RHCE: variants seen among roughly 807,000 people sequenced by gnomAD.
The protein encoded by RHCE is Rh blood group CcEe antigens.
RHCE carries 22 observed loss-of-function variants against 43.8 expected under a neutral mutation model. The observed-to-expected ratio is 0.50, with a 90% confidence interval of 0.36 to 0.72. The LOEUF is 0.72. Among genes scored for constraint, RHCE ranks in the 30% least tolerant of loss-of-function variants. RHCE has a pLI of 0.00. For synonymous variants in RHCE, 156 were observed against 210.7 expected (o/e 0.74, Z 2.25); for missense variants, 385 against 525.4 (o/e 0.73, Z 2.61).
chr1:25,379,495 ATTTTTTTTTTTTT>A (rs770791604), intron 7 of RHCE, among the ~76,000 whole-genome samples: 431 of 26,952 alleles, frequency 0.016, 5 homozygotes, highest in Middle Eastern at 0.038. Context: ...ATATATATAT[ATTTTTTTTTTTTT>A]TTTTTTTTTT....
intron 2 of RHCE, among the ~76,000 whole-genome samples, chr1:25,403,863 T>A (rs1177638653): frequency 1.3e-5 from 2 of 151,896 alleles, no homozygotes; most frequent in Non-Finnish European, 2.9e-5. Context: ...CAGCATCACC[T>A]CTTTTAAATT....
chr1:25,410,323 G>A (rs1428950305), intron 1 of RHCE, among the ~76,000 whole-genome samples: 1 of 152,162 alleles, frequency 6.6e-6, no homozygotes, highest in Admixed American at 6.5e-5. Flanking sequence ...ACTGGAGAGA[G>A]AGAAATCTTG....
chr1:25,421,155 G>A (rs2072933), upstream of RHCE, among the ~76,000 whole-genome samples: 71,737 of 149,480 alleles, frequency 0.48, 16,938 homozygotes, highest in Non-Finnish European at 0.53. Context: ...AGCAAGGAAC[G>A]GATCAATACT....
At chr1:25,372,496 G>C (rs1414644942) in intron 8 of RHCE, among the ~76,000 whole-genome samples, 1 of 151,076 alleles carries the variant, frequency 6.6e-6, no homozygotes, top group Non-Finnish European at 1.5e-5. Flanking sequence ...TCCAGCCTGG[G>C]CAACAAGAGC....
Position 25,362,449 on chromosome 1 carries a change from T to C in RHCE, c.*78A>G. The C allele has an allele frequency of 6.2e-7, 1 of 1,613,548 alleles. No individual in the cohort carries two copies. The highest frequency in any genetic ancestry group is 8.5e-7 in the Non-Finnish European group (1 of 1,179,626). ...GAGACTTTGCTGTCATGAGCGTTTCTCACGTACAAATGCAGGCAACAGTGA... is the reference window on the plus strand; with the variant it reads ...GAGACTTTGCTGTCATGAGCGTTTCCCACGTACAAATGCAGGCAACAGTGA... On this transcript the variant is annotated 3_prime_UTR_variant, in exon 10 of 10. Transcript: ENST00000294413.
intron 3 of RHCE, among the ~76,000 whole-genome samples, chr1:25,401,100 A>G (rs1208970474): frequency 6.6e-6 from 1 of 152,170 alleles, no homozygotes; most frequent in Non-Finnish European, 1.5e-5. Flanking sequence ...CCTCTGCCCA[A>G]CACTCCCTAG....
At chr1:25,393,109 T>C (rs1646431871) in intron 3 of RHCE, among the ~76,000 whole-genome samples, 1 of 152,204 alleles carries the variant, frequency 6.6e-6, no homozygotes, top group Admixed American at 6.5e-5. Context: ...CTTCATAACT[T>C]ATTTAGTGGG....
In RHCE at chr1:25,368,609, A is replaced by T. The variant is rs562505355; in HGVS notation, c.1227+1858T>A. On this transcript the variant is annotated intron_variant, in intron 9 of 9. Transcript: ENST00000294413. Reference sequence around the variant, plus strand: ...CCCCCTCCCCTTTCTAAACCAAGGTATAAAAGAAAATCTAGCCCCTTCTTT... The same window carrying T: ...CCCCCTCCCCTTTCTAAACCAAGGTTTAAAAGAAAATCTAGCCCCTTCTTT... Among the ~76,000 whole-genome samples the T allele has an allele frequency of 5.2e-4, 78 of 151,174 alleles. 2 individuals carry two copies. The highest frequency in any genetic ancestry group is 1.8e-3 in the African/African-American group (74 of 40,684).
chr1:25,383,179 A>G (rs1557609172), intron 7 of RHCE, among the ~76,000 whole-genome samples: 1 of 152,322 alleles, frequency 6.6e-6, no homozygotes, highest in East Asian at 1.9e-4. Context: ...ATTCAATGCC[A>G]TTTCAGTGTG....
chr1:25,416,554 C>T, intron 1 of RHCE, among the ~76,000 whole-genome samples: 1 of 152,068 alleles, frequency 6.6e-6, no homozygotes, highest in East Asian at 1.9e-4. Context: ...TGAGCCACCG[C>T]ACCCAGCCTT....
At chr1:25,371,234 C>CT (rs1334327673) in intron 8 of RHCE, among the ~76,000 whole-genome samples, 1 of 151,316 alleles carries the variant, frequency 6.6e-6, no homozygotes, top group Non-Finnish European at 1.5e-5. Flanking sequence ...TTGGGTGCTC[C>CT]TATAGGTCTG....
intron 3 of RHCE, among the ~76,000 whole-genome samples, chr1:25,401,446 G>A (rs1259374904): frequency 6.6e-6 from 1 of 152,060 alleles, no homozygotes; most frequent in African/African-American, 2.4e-5. Flanking sequence ...ATGTGATCTT[G>A]GGCAGTCCCT....
intron 3 of RHCE, among the ~76,000 whole-genome samples, chr1:25,393,387 G>T (rs1188582600): frequency 1.3e-5 from 2 of 152,136 alleles, no homozygotes; most frequent in Admixed American, 1.3e-4. Flanking sequence ...TTGGGAGGCT[G>T]AGGTGGGTGG....
chr1:25,394,915 T>A (rs1218921225), intron 3 of RHCE, among the ~76,000 whole-genome samples: 1 of 151,542 alleles, frequency 6.6e-6, no homozygotes, highest in Non-Finnish European at 1.5e-5. Context: ...CCCCGAGCCC[T>A]CCTGCTGAAG....
chr1:25,417,884 C>CAA (rs1488147056), intron 1 of RHCE, among the ~76,000 whole-genome samples: 1 of 152,164 alleles, frequency 6.6e-6, no homozygotes, highest in African/African-American at 2.4e-5. Flanking sequence ...CCCCTGTGCC[C>CAA]AACACCAGCC....
chr1:25,372,157 T>G (rs1192807618), intron 8 of RHCE, among the ~76,000 whole-genome samples: 1 of 151,752 alleles, frequency 6.6e-6, no homozygotes, highest in Admixed American at 6.6e-5. Flanking sequence ...GGAAAAGGTT[T>G]GTAGCCGTGG....
At chr1:25,425,587 GA>G (rs2042799385), upstream of RHCE, among the ~76,000 whole-genome samples, 1 of 152,212 alleles carries the variant, frequency 6.6e-6, no homozygotes, top group Admixed American at 6.5e-5. Flanking sequence ...TTACAAACGT[GA>G]AAATTTGTCA....
chr1:25,427,800 TC>T (rs1163909272), intron 2 of RHCE, among the ~76,000 whole-genome samples: 1 of 152,224 alleles, frequency 6.6e-6, no homozygotes, highest in African/African-American at 2.4e-5. Context: ...CCTCTCAGCC[TC>T]AGTTTTCTCA....
rs1324908769 is a variant in RHCE, at chr1:25,409,448, C to T, written c.149-579G>A. On this transcript the variant is annotated intron_variant, in intron 1 of 9. Coordinates refer to ENST00000294413, the MANE Select transcript of RHCE (RefSeq NM_020485.8). ...ACCTGGTGAGCTGGCTGGCAGAAAA[C>T]ATCAGGGCCACCTGGGTAGCCCTCA... Among the ~76,000 whole-genome samples the T allele has an allele frequency of 1.6e-5, 2 of 124,508 alleles. 1 individual carries two copies. Among genetic ancestry groups the T allele is most frequent in the African/African-American group, 5.0e-5 (2 of 39,962 alleles). The allele number at this position is 124,508 out of a possible 152,430, so 81.7% of individuals were successfully genotyped here. A position where few individuals can be genotyped will look rare whatever the true frequency, so the allele number is the denominator to read the frequency against.
Sources: gnomAD v4.1 joint callset for allele counts (sites outside exome capture counted in the v4.1 genomes callset) on GRCh38, gnomAD v4.1.1 for gene constraint, MANE v1.5 for transcripts, NCBI Gene and HGNC (gene_info 2026-07-23, HGNC 2026-07-21) for gene names.